Variants in IGBP1 observed in about 807,000 individuals in gnomAD.
IGBP1 encodes the protein immunoglobulin-binding protein 1.
A neutral mutation model predicts 25.9 loss-of-function variants in IGBP1; 2 were observed. The observed-to-expected ratio is 0.08, with a 90% CI of 0.03 to 0.24. IGBP1 has a LOEUF of 0.24. Among genes scored for constraint, IGBP1 ranks in the 10% least tolerant of loss-of-function variants. The pLI is 1.00. For synonymous variants in IGBP1, 96 were observed against 93.4 expected (o/e 1.03, Z -0.16); for missense variants, 187 against 260.4 (o/e 0.72, Z 1.94).
Position 70,133,523 on chromosome X carries a change from TAGGGAGC to T in IGBP1, c.-242_-236del, listed in dbSNP as rs993284586. The stretch of plus-strand genomic sequence containing the variant: ...GCTAGAGTCCCTGGACTCCTCAACC[TAGGGAGC>T]TACTCGCGAGGTAAGGGGCGCGCCA... On this transcript the variant is annotated 5_prime_UTR_variant, in exon 1 of 7. Transcript: ENST00000356413. 9 of 341,437 alleles carry T rather than the reference TAGGGAGC, an allele frequency of 2.6e-5. No homozygotes were observed. Among genetic ancestry groups the T allele is most frequent in the Non-Finnish European group, 4.0e-5 (8 of 198,544 alleles). 28.1% of individuals were successfully genotyped at this position (341,437 alleles called of 1,213,427 possible).
At chrX:70,136,698 TTTATTA>T (rs58340348) in intron 3 of IGBP1, among the ~76,000 whole-genome samples, 70 of 97,995 alleles carry the variant, frequency 7.1e-4, no homozygotes, top group African/African-American at 2.1e-3. Context: ...TTCTTTTTTC[TTTATTA>T]TTATTATTAT....
rs78020139 is a variant in IGBP1 at position 70,159,892 on chromosome X, G to A, written c.872-5941G>A. On this transcript the variant is annotated intron_variant, in intron 6 of 6. Transcript: ENST00000356413. ...GGCATAGCTGTGGCTTGGGCTCCAGGGGGTGGGATGCAGTGCAATGTTGGC... is the reference window on the plus strand; with the variant it reads ...GGCATAGCTGTGGCTTGGGCTCCAGAGGGTGGGATGCAGTGCAATGTTGGC... Among the ~76,000 whole-genome samples, 28 of 111,811 alleles carry A rather than the reference G, an allele frequency of 2.5e-4. No homozygotes were observed. The East Asian group carries it at 7.1e-3, about 28-fold the overall frequency.
At chrX:70,141,022 G>A (rs1840305487) in intron 3 of IGBP1, among the ~76,000 whole-genome samples, 1 of 110,948 alleles carries the variant, frequency 9.0e-6, no homozygotes, top group African/African-American at 3.3e-5. Context: ...AGTTAAGGGA[G>A]AAGGAAGAGG....
rs1216840980 is a variant in IGBP1, at chrX:70,133,946, A to G, written c.-2A>G. On this transcript the variant is annotated 5_prime_UTR_variant, in exon 2 of 7. Coordinates refer to ENST00000356413, the MANE Select transcript of IGBP1 (RefSeq NM_001551.3). ...GATCTTCCGGGTTCCTCTCTCCCCA[A>G]GATGGCTGCTGAGGACGAGTTACAG... The G allele has an allele frequency of 1.7e-6, 2 of 1,210,199 alleles. No homozygotes were observed. The highest frequency in any genetic ancestry group is 2.2e-6 in the Non-Finnish European group (2 of 894,150).
chrX:70,137,894 A>T (rs1192753241), intron 3 of IGBP1, among the ~76,000 whole-genome samples: 1 of 107,488 alleles, frequency 9.3e-6, no homozygotes, highest in Non-Finnish European at 1.9e-5. Context: ...ACACTTCGGG[A>T]GGCTGAGGCA....
intron 3 of IGBP1, among the ~76,000 whole-genome samples, chrX:70,144,895 T>C (rs1304275127): frequency 9.2e-6 from 1 of 108,220 alleles, no homozygotes; most frequent in Non-Finnish European, 1.9e-5. Context: ...CCTGACCTCA[T>C]GATGCACCCA....
At chrX:70,162,983 A>T (rs1360422559) in intron 6 of IGBP1, among the ~76,000 whole-genome samples, 2 of 110,566 alleles carry the variant, frequency 1.8e-5, no homozygotes, top group Admixed American at 1.9e-4. Flanking sequence ...TCTCAAAAAT[A>T]ATAATAATAG....
intron 3 of IGBP1, among the ~76,000 whole-genome samples, chrX:70,138,438 A>T (rs1398228156): frequency 2.0e-5 from 2 of 100,006 alleles, no homozygotes; most frequent in Non-Finnish European, 4.0e-5. Context: ...CTGTGATCGC[A>T]CCATTGTATT....
At position 70,150,274 on chromosome X, in the gene IGBP1, C is replaced by A; in HGVS notation, c.823C>A (p.Arg275=). The change falls in exon 6 of 7, where the codon CGG becomes AGG. Residue 275 remains arginine (R), a synonymous_variant. Transcript: ENST00000356413. ...MTVSDWYEQH[R]KYGALPDQGI... ...GGTGAGTGACTGGTATGAGCAACAT[C>A]GGAAATATGGAGCATTACCGGATCA... 1 of 1,205,308 alleles carries A rather than the reference C, an allele frequency of 8.3e-7. No individual in the cohort carries two copies. Among genetic ancestry groups the A allele is most frequent in the Non-Finnish European group, 1.1e-6 (1 of 890,095 alleles).
intron 6 of IGBP1, among the ~76,000 whole-genome samples, chrX:70,158,677 C>CA (rs375106751): frequency 0.013 from 1,311 of 103,288 alleles, 13 homozygotes; most frequent in African/African-American, 0.037. Flanking sequence ...ACTAAAAATA[C>CA]AAAAAAAAAA....
At chrX:70,162,507 TTAA>T (rs1384127306) in intron 6 of IGBP1, among the ~76,000 whole-genome samples, 2 of 111,986 alleles carry the variant, frequency 1.8e-5, no homozygotes, top group African/African-American at 6.5e-5. Context: ...ACTTTAGTTG[TTAA>T]TAATATATTA....
intron 3 of IGBP1, among the ~76,000 whole-genome samples, chrX:70,144,199 A>G (rs2085150725): frequency 8.9e-6 from 1 of 112,285 alleles, no homozygotes; most frequent in African/African-American, 3.2e-5. Flanking sequence ...AAAACAAACA[A>G]ACAAACAAAG....
chrX:70,148,705 T>C lies in IGBP1; in HGVS notation c.679-56T>C. ...AAGCACCTGAAGACTTAAGAGCCCG[T>C]ATGGTATGTTGGGTAAAATGGCAAA... On this transcript the variant is annotated intron_variant, in intron 4 of 6. Coordinates refer to ENST00000356413, the MANE Select transcript of IGBP1 (RefSeq NM_001551.3). 3.7e-6 allele frequency: 3 copies of C among 803,507 alleles called. No homozygotes were observed. In the East Asian group the frequency reaches 9.8e-5, roughly 26 times the overall value. The allele number at this position is 803,507 out of a possible 1,213,427, so 66.2% of individuals were successfully genotyped here.
intron 6 of IGBP1, among the ~76,000 whole-genome samples, chrX:70,159,003 A>T (rs1715395825): frequency 8.9e-6 from 1 of 112,368 alleles, no homozygotes; most frequent in Admixed American, 9.5e-5. Context: ...CTACAGAAAG[A>T]CACGCTCAAA....
chrX:70,150,328 A>C lies in IGBP1; in HGVS notation c.871+6A>C. 1 of 1,079,600 alleles carries C rather than the reference A, an allele frequency of 9.3e-7. No homozygotes were observed. The highest frequency in any genetic ancestry group is 1.3e-6 in the Non-Finnish European group (1 of 775,425). The allele number at this position is 1,079,600 out of a possible 1,213,427, so 89.0% of individuals were successfully genotyped here. A position where few individuals can be genotyped will look rare whatever the true frequency, so the allele number is the denominator to read the frequency against. On this transcript the variant is annotated splice_donor_region_variant and intron_variant, in intron 6 of 6. Transcript: ENST00000356413. ...AATAGCCAAGGCAGCACCAGGTATG[A>C]CGGGGTAGGAGGGAAATAGTTGTAC... is the stretch of plus-strand genomic sequence containing the variant.
rs2085076873 is a variant in IGBP1, at chrX:70,133,752, TA to T, written c.-192del. On this transcript the variant is annotated 5_prime_UTR_variant, in exon 2 of 7. It adds an upstream start codon to the 5' untranslated region. Transcript: ENST00000356413. ...CTACGACTTGTAACGGGCTGCCTGG[TA>T]AAATGAGTCTATGGAAACGGTTGCC... 1 of 447,754 alleles carries T rather than the reference TA, an allele frequency of 2.2e-6. No individual in the cohort carries two copies. Among genetic ancestry groups the T allele is most frequent in the South Asian group, 3.2e-5 (1 of 30,897 alleles). 36.9% of individuals were successfully genotyped at this position (447,754 alleles called of 1,213,427 possible). A position where few individuals can be genotyped will look rare whatever the true frequency, so the allele number is the denominator to read the frequency against.
chrX:70,142,712 G>A (rs550355333), intron 3 of IGBP1, among the ~76,000 whole-genome samples: 6 of 109,178 alleles, frequency 5.5e-5, no homozygotes, highest in African/African-American at 1.0e-4. Context: ...TTAGCTACTC[G>A]GGAGGCTGAG....
At position 70,142,208 on chromosome X, in the gene IGBP1, G is replaced by A. The variant is rs754777261; in HGVS notation, c.483-4425G>A. 4.5e-5 allele frequency among the ~76,000 whole-genome samples: 5 copies of A among 111,547 alleles called. No individual in the cohort carries two copies. The East Asian group carries it at 1.1e-3, about 25-fold the overall frequency. On this transcript the variant is annotated intron_variant, in intron 3 of 6. Coordinates refer to ENST00000356413, the MANE Select transcript of IGBP1 (RefSeq NM_001551.3). ...ATTAGCTGGGTGGTGGTGCACACCTGTAGTCCCAGCCACTCAGGAGGCTGA... is the reference window on the plus strand; with the variant it reads ...ATTAGCTGGGTGGTGGTGCACACCTATAGTCCCAGCCACTCAGGAGGCTGA...
chrX:70,148,625 A>G (rs768735665), intron 4 of IGBP1, 136 bp from the exon 5 acceptor site: 7 of 515,418 alleles, frequency 1.4e-5, no homozygotes, highest in Non-Finnish European at 2.1e-5. Context: ...TTCTGCTGCT[A>G]TATCTTAGAG....
Sources: gnomAD v4.1 joint callset for allele counts (sites outside exome capture counted in the v4.1 genomes callset) on GRCh38, gnomAD v4.1.1 for gene constraint, MANE v1.5 for transcripts, NCBI Gene and HGNC (gene_info 2026-07-23, HGNC 2026-07-21) for gene names.